Variants in TIMM23 observed in about 807,000 individuals in gnomAD.
TIMM23 encodes the protein translocase of inner mitochondrial membrane 23, also known as mitochondrial import inner membrane translocase subunit Tim23.
TIMM23 carries 19 observed loss-of-function variants against 30.7 expected under a neutral mutation model. The observed-to-expected ratio is 0.62, with a 90% CI of 0.43 to 0.91. The LOEUF is 0.91. Among genes scored for constraint, TIMM23 ranks in the 40% least tolerant of loss-of-function variants. The pLI is 0.00. For missense variants in TIMM23, 202 were observed against 269.2 expected, an observed-to-expected ratio of 0.75 and a Z score of 1.75; for synonymous variants, 78 against 98.5, an observed-to-expected ratio of 0.79 and a Z score of 1.23.
intron 6 of TIMM23, among the ~76,000 whole-genome samples, chr10:45,995,439 C>A (rs1332251308): frequency 1.4e-5 from 2 of 142,120 alleles, no homozygotes; most frequent in African/African-American, 2.7e-5. Context: ...TCCCACTCAA[C>A]TCCAGCCATT....
Position 46,003,397 on chromosome 10 carries a change from T to C in TIMM23, c.*79T>C. The stretch of plus-strand genomic sequence containing the variant: ...TATAAGACAGTTTGGAGTTATTCTC[T>C]CTCTTCTACCTACAATTAGTTTGAA... On this transcript the variant is annotated 3_prime_UTR_variant, in exon 7 of 7. Coordinates refer to ENST00000580018, the MANE Select transcript of TIMM23 (RefSeq NM_006327.4). 1.0e-6 allele frequency: 1 copy of C among 995,266 alleles called. No homozygotes were observed. Among genetic ancestry groups the C allele is most frequent in the Non-Finnish European group, 1.5e-6 (1 of 654,228 alleles). 61.7% of individuals were successfully genotyped at this position (995,266 alleles called of 1,614,324 possible). A position where few individuals can be genotyped will look rare whatever the true frequency, so the allele number is the denominator to read the frequency against.
chr10:45,975,505 T>C lies in TIMM23; in HGVS notation c.158T>C (p.Leu53Pro). 1 of 1,613,950 alleles carries C rather than the reference T, an allele frequency of 6.2e-7. No individual in the cohort carries two copies. The highest frequency in any genetic ancestry group is 2.2e-5 in the East Asian group (1 of 44,876). The change falls in exon 2 of 7, where the codon CTC becomes CCC. Residue 53 changes from leucine (L) to proline (P), a missense_variant. Transcript: ENST00000580018. ...TATTTAAATGTGGATCCACGATACCTCGTGCAGGTAAGATTAAGATTTTAC... is the reference window on the plus strand; with the variant it reads ...TATTTAAATGTGGATCCACGATACCCCGTGCAGGTAAGATTAAGATTTTAC... Reference protein sequence around the residue: ...SPYLNVDPRYLVQDTDEFILP... With the variant: ...SPYLNVDPRYPVQDTDEFILP...
At chr10:45,984,499 A>G (rs1437433604) in intron 4 of TIMM23, 1 of 152,386 alleles carries the variant, frequency 6.6e-6, no homozygotes, top group African/African-American at 2.4e-5. Context: ...TGATTTTTTA[A>G]AACAATCTTT....
intron 6 of TIMM23, among the ~76,000 whole-genome samples, chr10:46,000,022 T>C (rs1314597798): frequency 6.6e-6 from 1 of 152,230 alleles, no homozygotes; most frequent in African/African-American, 2.4e-5. Context: ...TTATCTCTCT[T>C]ATTCCCTGAA....
intron 2 of TIMM23, among the ~76,000 whole-genome samples, chr10:45,982,029 A>G (rs1225794514): frequency 1.3e-5 from 2 of 152,316 alleles, no homozygotes; most frequent in African/African-American, 2.4e-5. Context: ...TACTCCTTAA[A>G]CAGATAAGAA....
At chr10:46,002,810 A>ATTTTTTTTTTTTTTTTTT (rs386371331) in intron 6 of TIMM23, among the ~76,000 whole-genome samples, 1 of 95,068 alleles carries the variant, frequency 1.1e-5, no homozygotes, top group Non-Finnish European at 2.0e-5. Flanking sequence ...ATTTCATAGT[A>ATTTTTTTTTTTTTTTTTT]TTTTTTTTTT....
At chr10:45,981,139 A>G (rs1383904350) in intron 2 of TIMM23, among the ~76,000 whole-genome samples, 1 of 149,226 alleles carries the variant, frequency 6.7e-6, no homozygotes, top group East Asian at 2.0e-4. Context: ...GGGTTTCACC[A>G]TGTTGCCCAG....
At chr10:45,999,162 A>G (rs974022559) in intron 6 of TIMM23, among the ~76,000 whole-genome samples, 1 of 151,462 alleles carries the variant, frequency 6.6e-6, no homozygotes, top group African/African-American at 2.4e-5. Context: ...ATTTTTTGAG[A>G]CCAGGTCTGG....
chr10:45,980,596 A>G (rs1446412989), intron 2 of TIMM23, among the ~76,000 whole-genome samples: 3 of 152,126 alleles, frequency 2.0e-5, no homozygotes, highest in Admixed American at 6.5e-5. Context: ...GCAAAATTAT[A>G]AATTAAAAAA....
intron 6 of TIMM23, chr10:45,992,743 A>C (rs1838203369): frequency 5.6e-6 from 2 of 356,636 alleles, no homozygotes; most frequent in African/African-American, 4.3e-5. Flanking sequence ...TTTTTAGTAG[A>C]GTCAGGGTTT....
rs1227220258 is a variant in TIMM23 at position 45,982,875 on chromosome 10, C to T, written c.289C>T (p.Arg97Trp). Residue 97 changes from arginine to tryptophan, a missense_variant, in exon 4 of 7, where the codon CGG (arginine) becomes TGG (tryptophan). Arg to Trp is a moderately radical substitution (Grantham distance 101, BLOSUM62 -3). Coordinates refer to ENST00000580018, the MANE Select transcript of TIMM23 (RefSeq NM_006327.4). ...GAAFGAMNGL[R>W]LGLKETQNMA... Reference sequence around the variant, plus strand: ...TGCGTTTGGTGCAATGAATGGTCTTCGGCTAGGATTGAAGGAAACCCAGAA... The same window carrying T: ...TGCGTTTGGTGCAATGAATGGTCTTTGGCTAGGATTGAAGGAAACCCAGAA... 10 of 1,613,594 alleles carry T rather than the reference C, an allele frequency of 6.2e-6. No homozygotes were observed. Among genetic ancestry groups the T allele is most frequent in the African/African-American group, 4.0e-5 (3 of 74,830 alleles).
chr10:45,975,364 A>G (rs1837636595), intron 1 of TIMM23, 90 bp from the exon 2 acceptor site: 1 of 1,505,942 alleles, frequency 6.6e-7, no homozygotes, highest in Non-Finnish European at 9.1e-7. Context: ...TAAAAATTGC[A>G]AACACATGTA....
At chr10:46,001,140 G>A (rs979491385) in intron 6 of TIMM23, among the ~76,000 whole-genome samples, 2 of 152,132 alleles carry the variant, frequency 1.3e-5, no homozygotes, top group Non-Finnish European at 2.9e-5. Flanking sequence ...ACATGAGGTC[G>A]ATCCTTATTA....
At chr10:45,989,371 G>A (rs4962284) in intron 6 of TIMM23, among the ~76,000 whole-genome samples, 2 of 152,100 alleles carry the variant, frequency 1.3e-5, no homozygotes, top group Admixed American at 6.5e-5. Flanking sequence ...TTGCATGTGC[G>A]TTCTTTTATC....
In TIMM23 at chr10:45,990,415, C is replaced by T. The variant is rs1368114832; in HGVS notation, c.514+1568C>T. 4.7e-3 allele frequency among the ~76,000 whole-genome samples: 720 copies of T among 151,626 alleles called. 5 individuals are homozygous for T. The highest frequency in any genetic ancestry group is 0.019 in the East Asian group (96 of 5,114). ...AGGATTACAGGCGTGAGCCACCACT[C>T]CCAGCTTATTTTAATTTTTTTTTTA... On this transcript the variant is annotated intron_variant, in intron 6 of 6. Transcript: ENST00000580018.
chr10:45,972,744 C>T lies in TIMM23; in HGVS notation c.106+14C>T. On this transcript the variant is annotated intron_variant, in intron 1 of 6. Transcript: ENST00000580018. ...CTGGCGTCCCGCGTAAGTATGGGGC[C>T]TAGCTTGCGATTATTTCTGACTGGT... 6.2e-7 allele frequency: 1 copy of T among 1,613,418 alleles called. No individual in the cohort carries two copies. Among genetic ancestry groups the T allele is most frequent in the Non-Finnish European group, 8.5e-7 (1 of 1,179,722 alleles).
At position 46,002,189 on chromosome 10, in the gene TIMM23, A is replaced by AT. The variant is rs558578700; in HGVS notation, c.515-1004dup. On this transcript the variant is annotated intron_variant, in intron 6 of 6. Transcript: ENST00000580018. ...AGTGTGATTATAGCTATCTTACCAC[A>AT]TTTTTTTTTTCTTTCTCACTCTGTC... 1.6e-3 allele frequency among the ~76,000 whole-genome samples: 237 copies of AT among 148,556 alleles called. 4 individuals carry two copies. The highest frequency in any genetic ancestry group is 1.0e-3 in the Non-Finnish European group (68 of 66,954).
chr10:45,999,862 C>T (rs1838469072), intron 6 of TIMM23, among the ~76,000 whole-genome samples: 1 of 152,162 alleles, frequency 6.6e-6, no homozygotes, highest in African/African-American at 2.4e-5. Context: ...GGGGGGCCAT[C>T]TATAGACCTA....
intron 6 of TIMM23, 53 bp downstream of exon 6, chr10:45,988,900 T>C: frequency 6.4e-7 from 1 of 1,564,066 alleles, no homozygotes; most frequent in Non-Finnish European, 8.8e-7. Flanking sequence ...AGTGCGCTTT[T>C]TAAAATTCAT....
Sources: gnomAD v4.1 joint callset for allele counts (sites outside exome capture counted in the v4.1 genomes callset) on GRCh38, gnomAD v4.1.1 for gene constraint, MANE v1.5 for transcripts, NCBI Gene and HGNC (gene_info 2026-07-23, HGNC 2026-07-21) for gene names.